The following CRELD2 variants were observed in gnomAD, a reference collection of about 807,000 sequenced individuals.
CRELD2 encodes the protein CRELD disulfide isomerase 2.
A neutral mutation model predicts 48.1 loss-of-function variants in CRELD2; 33 were observed. That is an observed-to-expected ratio of 0.69 (90% CI 0.52 to 0.92). CRELD2 has a LOEUF of 0.92. Among genes scored for constraint, CRELD2 ranks in the 40% least tolerant of loss-of-function variants. The pLI, the probability that CRELD2 is intolerant of heterozygous loss-of-function variation, is 0.00. For synonymous variants in CRELD2, 220 were observed against 203.9 expected, an observed-to-expected ratio of 1.08 and a Z score of -0.67; for missense variants, 477 against 482.4, an observed-to-expected ratio of 0.99 and a Z score of 0.10.
rs1601854376 is a variant in CRELD2 at position 49,927,427 on chromosome 22, A to C, written c.*120A>C. 1.3e-6 allele frequency: 1 copy of C among 782,762 alleles called. No homozygotes were observed. The highest frequency in any genetic ancestry group is 2.5e-5 in the East Asian group (1 of 40,464). The allele number at this position is 782,762 out of a possible 1,614,324, so 48.5% of individuals were successfully genotyped here. Reference sequence around the variant, plus strand: ...GAGGCTGCCTGCTCTCTAACGGTTGATTCTCATTTGTCCCTTAAACAGCTG... The same window carrying C: ...GAGGCTGCCTGCTCTCTAACGGTTGCTTCTCATTTGTCCCTTAAACAGCTG... On this transcript the variant is annotated 3_prime_UTR_variant, in exon 10 of 10. Transcript: ENST00000328268.
In CRELD2 at chr22:49,920,273, A is replaced by G. The variant is rs376383650; in HGVS notation, c.415+26A>G. On this transcript the variant is annotated intron_variant, in intron 4 of 9. Transcript: ENST00000328268. The stretch of plus-strand genomic sequence containing the variant: ...GTGCGTTTCTCCTCAGGGAAATCCC[A>G]TCTCCTACGTCACTTCCCCTCTTCT... 17 of 1,462,138 alleles carry G rather than the reference A, an allele frequency of 1.2e-5. No homozygotes were observed. The African/African-American group carries it at 2.0e-4, about 17-fold the overall frequency. The allele number at this position is 1,462,138 out of a possible 1,614,324, so 90.6% of individuals were successfully genotyped here.
chr22:49,921,657 AC>A lies in CRELD2; in HGVS notation c.489del (p.Asp163GlufsTer47). 1.2e-6 allele frequency: 2 copies of A among 1,612,792 alleles called. No homozygotes were observed. The highest frequency in any genetic ancestry group is 1.7e-6 in the Non-Finnish European group (2 of 1,179,966). ...AGCGGAGATGGGAGCAGACAGGGCG[AC>A]GGGTCCTGCCGGTGCCACATGGGGT... ...HCSGDGSRQG[D>X]GSCRCHMGYQ... On this transcript the variant is annotated frameshift_variant, in exon 5 of 10. Transcript: ENST00000328268. LOFTEE classifies it high-confidence loss of function.
intron 2 of CRELD2, 40 bp downstream of exon 2, chr22:49,919,352 G>A (rs766819276): frequency 3.8e-6 from 6 of 1,583,776 alleles, no homozygotes; most frequent in East Asian, 4.5e-5. Flanking sequence ...TTGGCCTGGC[G>A]CTGTCCTGGG....
intron 3 of CRELD2, 112 bp from the exon 4 acceptor site, chr22:49,920,044 T>C: frequency 3.7e-6 from 3 of 801,602 alleles, no homozygotes; most frequent in Non-Finnish European, 6.3e-6. Context: ...ACACCTAGAC[T>C]CTTGTTTCCT....
At chr22:49,926,500 C>T (rs1026595703) in intron 9 of CRELD2, 2 of 152,398 alleles carry the variant, frequency 1.3e-5, no homozygotes, top group African/African-American at 2.4e-5. Context: ...TAAACAGCAA[C>T]AGCAAGACAG....
chr22:49,918,646 G>T lies in CRELD2; in HGVS notation c.-124G>T. The T allele has an allele frequency of 5.6e-6, 2 of 356,704 alleles. 1 individual carries two copies. The highest frequency in any genetic ancestry group is 9.9e-6 in the Non-Finnish European group (2 of 201,990). The allele number at this position is 356,704 out of a possible 1,614,324, so 22.1% of individuals were successfully genotyped here. The stretch of plus-strand genomic sequence containing the variant: ...TGGCGGGTGGGGCGGGGCCTCGCCG[G>T]CGCCGTCAAGTAGCCTGGGGGACAG... On this transcript the variant is annotated 5_prime_UTR_variant, in exon 1 of 10. Coordinates refer to ENST00000328268, the MANE Select transcript of CRELD2 (RefSeq NM_024324.5).
At chr22:49,922,540 T>G (rs903684193) in intron 5 of CRELD2, 72 bp from the exon 6 acceptor site, 5 of 1,484,618 alleles carry the variant, frequency 3.4e-6, no homozygotes, top group Non-Finnish European at 4.5e-6. Flanking sequence ...ATTCCTCACT[T>G]TTAAACGAGC....
rs1335713773 is a variant in CRELD2, at chr22:49,922,651, A to G, written c.632A>G (p.Asn211Ser). Residue 211 changes from asparagine (N) to serine (S), a missense_variant, in exon 6 of 10, where the codon AAC (asparagine) becomes AGC (serine). Asn to Ser is a conservative substitution (Grantham distance 46). Transcript: ENST00000328268. ...ESCKTCSGLTNRDCGECEVGW... is the reference protein window; with the variant it reads ...ESCKTCSGLTSRDCGECEVGW... ...TGCAAGACGTGCTCGGGCCTGACCA[A>G]CAGAGACTGCGGCGAGTGTGAAGTG... 11 of 1,569,192 alleles carry G rather than the reference A, an allele frequency of 7.0e-6. No homozygotes were observed. The highest frequency in any genetic ancestry group is 1.4e-5 in the African/African-American group (1 of 71,164).
Position 49,918,906 on chromosome 22 carries a change from G to A in CRELD2, c.129+8G>A. 1 of 1,321,284 alleles carries A rather than the reference G, an allele frequency of 7.6e-7. No individual in the cohort carries two copies. Among genetic ancestry groups the A allele is most frequent in the African/African-American group, 1.5e-5 (1 of 65,210 alleles). The allele number at this position is 1,321,284 out of a possible 1,614,324, so 81.8% of individuals were successfully genotyped here. On this transcript the variant is annotated splice_region_variant and intron_variant, in intron 1 of 9. Transcript: ENST00000328268. ...GTGGACAAGTTTAACCAGGTGGGAA[G>A]GGGCCGGGCGGGGTCGTCAACCTTG...
chr22:49,919,085 A>G, intron 1 of CRELD2, 145 bp from the exon 2 acceptor site: 1 of 916,632 alleles, frequency 1.1e-6, no homozygotes, highest in Non-Finnish European at 1.7e-6. Context: ...AGTCCCCCTC[A>G]CCCTTGACCC....
At chr22:49,925,671 G>C in intron 9 of CRELD2, 114 bp downstream of exon 9, 2 of 1,548,266 alleles carry the variant, frequency 1.3e-6, no homozygotes, top group Non-Finnish European at 1.7e-6. Context: ...GAGATGGTGA[G>C]AGGGGGATTC....
rs768423711 is a variant in CRELD2, at chr22:49,921,678, T to TG, written c.513dup (p.Tyr172ValfsTer8). On this transcript the variant is annotated frameshift_variant, in exon 5 of 10. Coordinates refer to ENST00000328268, the MANE Select transcript of CRELD2 (RefSeq NM_024324.5). LOFTEE classifies it high-confidence loss of function. ...GGCGACGGGTCCTGCCGGTGCCACA[T>TG]GGGGTACCAGGGCCCGCTGTGCACT... 1 of 1,612,926 alleles carries TG rather than the reference T, an allele frequency of 6.2e-7. No homozygotes were observed. The highest frequency in any genetic ancestry group is 8.5e-7 in the Non-Finnish European group (1 of 1,179,966).
At chr22:49,922,161 A>T in intron 5 of CRELD2, 1 of 995,590 alleles carries the variant, frequency 1.0e-6, no homozygotes, top group Non-Finnish European at 1.4e-6. Context: ...CCTGGTTGTC[A>T]CTGATATGTA....
chr22:49,925,787 G>A (rs779249187), intron 9 of CRELD2: 107 of 1,356,030 alleles, frequency 7.9e-5, no homozygotes, highest in Non-Finnish European at 9.4e-5. Context: ...AAGTTCAGGC[G>A]ATGAAGGGGG....
chr22:49,919,182 G>T, intron 1 of CRELD2, 48 bp from the exon 2 acceptor site: 2 of 1,586,474 alleles, frequency 1.3e-6, no homozygotes, highest in South Asian at 2.2e-5. Context: ...CCCCACCCTG[G>T]ACCCGGGTCA....
rs1318281593 is a variant in CRELD2, at chr22:49,921,686, C to G, written c.517C>G (p.Gln173Glu). 6.2e-7 allele frequency: 1 copy of G among 1,612,928 alleles called. No homozygotes were observed. ...GTCCTGCCGGTGCCACATGGGGTACCAGGGCCCGCTGTGCACTGACTGCAT... is the reference window on the plus strand; with the variant it reads ...GTCCTGCCGGTGCCACATGGGGTACGAGGGCCCGCTGTGCACTGACTGCAT... ...DGSCRCHMGYQGPLCTDCMDG... is the reference protein window; with the variant it reads ...DGSCRCHMGYEGPLCTDCMDG... The change falls in exon 5 of 10, where the codon CAG (glutamine) becomes GAG (glutamate). Residue 173 changes from glutamine to glutamate, a missense_variant. Physicochemically the swap from Gln to Glu is conservative, Grantham distance 29. Coordinates refer to ENST00000328268, the MANE Select transcript of CRELD2 (RefSeq NM_024324.5).
intron 3 of CRELD2, 71 bp from the exon 4 acceptor site, chr22:49,920,085 C>G (rs534036024): frequency 1.5e-5 from 15 of 1,020,664 alleles, no homozygotes; most frequent in Non-Finnish European, 2.3e-5. Context: ...GCATATGTTA[C>G]GTTCAGCTGC....
In CRELD2 at chr22:49,927,468, C is replaced by CT. The variant is rs1413257212; in HGVS notation, c.*163dup. ...TAAACAGCTGCATTTCTTGGTTGTT[C>CT]TTAAACAGACTTGTATATTTTGATA... On this transcript the variant is annotated 3_prime_UTR_variant, in exon 10 of 10. Coordinates refer to ENST00000328268, the MANE Select transcript of CRELD2 (RefSeq NM_024324.5). 1.6e-6 allele frequency: 1 copy of CT among 636,386 alleles called. No homozygotes were observed. Among genetic ancestry groups the CT allele is most frequent in the Non-Finnish European group, 2.9e-6 (1 of 348,618 alleles). The allele number at this position is 636,386 out of a possible 1,614,324, so 39.4% of individuals were successfully genotyped here. A position where few individuals can be genotyped will look rare whatever the true frequency, so the allele number is the denominator to read the frequency against.
chr22:49,918,744 T>A lies in CRELD2; in HGVS notation c.-26T>A. ...CGGCCGCAGGACCTGGAGCTCCGGC[T>A]GCGTCTTCCCGCAGCGCTACCCGCC... On this transcript the variant is annotated 5_prime_UTR_variant, in exon 1 of 10. Transcript: ENST00000328268. 4.2e-6 allele frequency: 4 copies of A among 957,314 alleles called. No homozygotes were observed. In the East Asian group the frequency reaches 1.3e-4, roughly 32 times the overall value. 59.3% of individuals were successfully genotyped at this position (957,314 alleles called of 1,614,324 possible). A position where few individuals can be genotyped will look rare whatever the true frequency, so the allele number is the denominator to read the frequency against.
Sources: gnomAD v4.1 joint callset for allele counts on GRCh38, gnomAD v4.1.1 for gene constraint, MANE v1.5 for transcripts, NCBI Gene and HGNC (gene_info 2026-07-23, HGNC 2026-07-21) for gene names.